MYO5C: variants seen among roughly 807,000 people sequenced by gnomAD.
MYO5C encodes unconventional myosin-Vc.
A neutral mutation model predicts 235.7 loss-of-function variants in MYO5C; 194 were observed. The ratio of observed to expected loss-of-function variants is 0.82; its 90% CI spans 0.73 to 0.93. The LOEUF (loss-of-function observed/expected upper bound fraction) is 0.93. Ranked by LOEUF, MYO5C falls within the 40% of genes least tolerant of loss-of-function variation. The pLI is 0.00. For synonymous variants in MYO5C, 707 were observed against 754.8 expected, an observed-to-expected ratio of 0.94 and a Z score of 1.04; for missense variants, 2,038 against 2,127.2, an observed-to-expected ratio of 0.96 and a Z score of 0.82.
chr15:52,200,412 G>A (rs571113627), intron 38 of MYO5C, among the ~76,000 whole-genome samples: 2 of 151,866 alleles, frequency 1.3e-5, no homozygotes, highest in African/African-American at 4.8e-5. Context: ...TACTAAAAAT[G>A]TAAAAATTAG....
intron 2 of MYO5C, among the ~76,000 whole-genome samples, 195 bp downstream of exon 2, chr15:52,282,587 C>T (rs1195516298): frequency 6.6e-6 from 1 of 152,178 alleles, no homozygotes; most frequent in African/African-American, 2.4e-5. Flanking sequence ...TGCAGGGCAG[C>T]ACAGGGGCGG....
At chr15:52,217,185 C>T (rs1040679226) in intron 32 of MYO5C, among the ~76,000 whole-genome samples, 1 of 152,152 alleles carries the variant, frequency 6.6e-6, no homozygotes, top group South Asian at 2.1e-4. Flanking sequence ...GTTGTGTGTC[C>T]GTCTGCTTCT....
chr15:52,261,802 C>T (rs1380256147), intron 9 of MYO5C, among the ~76,000 whole-genome samples: 1 of 152,250 alleles, frequency 6.6e-6, no homozygotes, highest in Non-Finnish European at 1.5e-5. Context: ...GGACAAAGGG[C>T]TCCTGTCCTC....
intron 12 of MYO5C, 55 bp from the exon 13 acceptor site, chr15:52,251,570 G>T: frequency 8.2e-6 from 12 of 1,461,146 alleles, no homozygotes; most frequent in Non-Finnish European, 1.1e-5. Context: ...ATTCATACAG[G>T]TGAGGAAAAG....
chr15:52,278,217 T>TA (rs1159328298), intron 4 of MYO5C, among the ~76,000 whole-genome samples: 1 of 152,178 alleles, frequency 6.6e-6, no homozygotes, highest in Non-Finnish European at 1.5e-5. Flanking sequence ...AAAAATAAAC[T>TA]AGAGTTTAAA....
intron 24 of MYO5C, among the ~76,000 whole-genome samples, chr15:52,229,774 CA>C (rs1284716264): frequency 6.6e-6 from 1 of 152,186 alleles, no homozygotes; most frequent in Non-Finnish European, 1.5e-5. Flanking sequence ...TTATTTTTAG[CA>C]AACTGTTTCC....
intron 5 of MYO5C, among the ~76,000 whole-genome samples, chr15:52,273,647 C>T (rs2036974400): frequency 6.6e-6 from 1 of 152,166 alleles, no homozygotes; most frequent in Non-Finnish European, 1.5e-5. Context: ...CTCTCTAGAA[C>T]CTGACCCCTG....
At chr15:52,284,505 C>T (rs1157295319) in intron 1 of MYO5C, among the ~76,000 whole-genome samples, 1 of 152,172 alleles carries the variant, frequency 6.6e-6, no homozygotes, top group Non-Finnish European at 1.5e-5. Context: ...TGGTAACATT[C>T]TGTATCTTGA....
chr15:52,272,831 T>C, intron 5 of MYO5C, 108 bp from the exon 6 acceptor site: 2 of 1,116,734 alleles, frequency 1.8e-6, no homozygotes, highest in Non-Finnish European at 2.6e-6. Flanking sequence ...GGGGAAGGTC[T>C]GATTGGCAGA....
intron 40 of MYO5C, among the ~76,000 whole-genome samples, chr15:52,194,943 T>A (rs1218765505): frequency 6.6e-6 from 1 of 152,082 alleles, no homozygotes; most frequent in African/African-American, 2.4e-5. Flanking sequence ...CTTGAAAGTG[T>A]CTCAAGGACT....
At chr15:52,222,631 G>A (rs2035717854) in intron 29 of MYO5C, among the ~76,000 whole-genome samples, 1 of 135,400 alleles carries the variant, frequency 7.4e-6, no homozygotes, top group South Asian at 2.3e-4. Flanking sequence ...GAATGGGGTG[G>A]TGGGCAGTGA....
intron 8 of MYO5C, chr15:52,265,165 A>T (rs2036777200): frequency 6.6e-6 from 1 of 152,250 alleles, no homozygotes; most frequent in Non-Finnish European, 1.5e-5. Context: ...AGTAAGTAGA[A>T]TATAAATTAT....
rs145448922 is a variant in MYO5C at position 52,272,475 on chromosome 15, T to C, written c.750+105A>G. On this transcript the variant is annotated intron_variant, in intron 6 of 40. Transcript: ENST00000261839. The stretch of plus-strand genomic sequence containing the variant: ...CTGCAAATGAAAGACAAGAAAACCC[T>C]ACTCTTCAACTCACAGCATAGTGTA... 379 of 1,107,536 alleles carry C rather than the reference T, an allele frequency of 3.4e-4. No individual in the cohort carries two copies. The African/African-American group carries it at 5.5e-3, about 16-fold the overall frequency. 68.6% of individuals were successfully genotyped at this position (1,107,536 alleles called of 1,614,324 possible). A position where few individuals can be genotyped will look rare whatever the true frequency, so the allele number is the denominator to read the frequency against.
At chr15:52,257,105 C>A (rs1004890809) in intron 10 of MYO5C, among the ~76,000 whole-genome samples, 2 of 152,338 alleles carry the variant, frequency 1.3e-5, no homozygotes, top group South Asian at 4.1e-4. Context: ...AACTTAGCTG[C>A]GAAGCTGCCT....
In MYO5C at chr15:52,194,055, C is replaced by G; in HGVS notation, c.5077-1G>C. On this transcript the variant is annotated splice_acceptor_variant, in intron 40 of 40. Transcript: ENST00000261839. LOFTEE classifies it high-confidence loss of function. ...AATCCTCCCGGCTATTTAGGAGAGC[C>G]TGAAATTAGAATCAGAGGAAAAATG... The G allele has an allele frequency of 1.2e-6, 2 of 1,606,168 alleles. No homozygotes were observed. Among genetic ancestry groups the G allele is most frequent in the Non-Finnish European group, 1.7e-6 (2 of 1,177,804 alleles).
chr15:52,241,735 T>C (rs2036227151), intron 20 of MYO5C, among the ~76,000 whole-genome samples: 1 of 62,648 alleles, frequency 1.6e-5, no homozygotes, highest in Non-Finnish European at 8.3e-5. Context: ...AACTGGTGTG[T>C]GTGTGTGTGT....
At chr15:52,249,539 T>TA (rs2036427286) in intron 13 of MYO5C, among the ~76,000 whole-genome samples, 1 of 152,210 alleles carries the variant, frequency 6.6e-6, no homozygotes, top group Non-Finnish European at 1.5e-5. Context: ...AGCAGAGGGT[T>TA]CCCTGGGCAT....
intron 1 of MYO5C, among the ~76,000 whole-genome samples, chr15:52,294,766 T>C (rs1458135192): frequency 2.0e-5 from 3 of 152,160 alleles, no homozygotes; most frequent in Non-Finnish European, 4.4e-5. Flanking sequence ...TCAGAGGGTT[T>C]GGGACATATG....
chr15:52,280,247 A>G (rs2037137038), intron 2 of MYO5C, among the ~76,000 whole-genome samples: 1 of 152,242 alleles, frequency 6.6e-6, no homozygotes. Context: ...CCCCTGGTGC[A>G]GGTGTCTCCT....
Sources: allele counts gnomAD v4.1 joint callset (sites outside exome capture counted in the v4.1 genomes callset), GRCh38; gene constraint gnomAD v4.1.1; transcripts MANE v1.5; gene names NCBI Gene and HGNC (gene_info 2026-07-23, HGNC 2026-07-21).